The following SBF2 variants were observed in gnomAD, a reference collection of about 807,000 sequenced individuals.
SBF2 encodes SET binding factor 2.
SBF2 carries 112 observed loss-of-function variants against 225.2 expected under a neutral mutation model. That is an observed-to-expected ratio of 0.50 (90% CI 0.43 to 0.58). The LOEUF (loss-of-function observed/expected upper bound fraction) is 0.58, where lower values mean the gene tolerates loss of function less well. SBF2 is among the 20% of genes least tolerant of loss of function. SBF2 has a pLI of 0.00. For synonymous variants in SBF2, 763 were observed against 773.3 expected (o/e 0.99, Z 0.22); for missense variants, 1,996 against 2,206.2 (o/e 0.90, Z 1.91).
At chr11:9,872,670 T>C (rs1360622134) in intron 17 of SBF2, among the ~76,000 whole-genome samples, 1 of 151,444 alleles carries the variant, frequency 6.6e-6, no homozygotes, top group Non-Finnish European at 1.5e-5. Flanking sequence ...TCGGAGGAAC[T>C]GGAACTCTCA....
chr11:10,304,478 C>T (rs1246511628), intron 1 of SBF2, among the ~76,000 whole-genome samples: 17 of 152,258 alleles, frequency 1.1e-4, no homozygotes. Context: ...CTTGTCCCTA[C>T]CGTGAAATCT....
chr11:9,923,792 G>A (rs982045045), intron 16 of SBF2, among the ~76,000 whole-genome samples: 4 of 152,020 alleles, frequency 2.6e-5, no homozygotes, highest in African/African-American at 9.7e-5. Flanking sequence ...TCTAGTTCCC[G>A]GCCCCAAATG....
At chr11:9,853,825 A>C (rs1016557338) in intron 19 of SBF2, 113 bp from the exon 20 acceptor site, 9 of 973,588 alleles carry the variant, frequency 9.2e-6, no homozygotes, top group Non-Finnish European at 1.5e-5. Flanking sequence ...TGTCTACTCA[A>C]GTAGAAGGCT....
At chr11:9,899,352 A>AC (rs1344323362) in intron 16 of SBF2, among the ~76,000 whole-genome samples, 6 of 150,812 alleles carry the variant, frequency 4.0e-5, no homozygotes, top group Non-Finnish European at 1.5e-5. Flanking sequence ...AAAAAAAAAA[A>AC]AACTGGCCAG....
intron 2 of SBF2, among the ~76,000 whole-genome samples, chr11:10,049,822 A>C (rs542357753): frequency 1.3e-5 from 2 of 152,318 alleles, no homozygotes; most frequent in South Asian, 2.1e-4. Context: ...GTAGAACTGG[A>C]AAGTTTTATC....
chr11:10,054,235 G>A (rs202045198), intron 2 of SBF2, among the ~76,000 whole-genome samples: 2 of 152,004 alleles, frequency 1.3e-5, no homozygotes, highest in Admixed American at 6.6e-5. Context: ...CTTTCATTAC[G>A]TGTAAGATAA....
chr11:10,223,436 T>TATAC (rs1565371469), intron 1 of SBF2, among the ~76,000 whole-genome samples: 1 of 125,342 alleles, frequency 8.0e-6, no homozygotes, highest in African/African-American at 2.9e-5. Context: ...TATATATATA[T>TATAC]ATATATAGTA....
intron 1 of SBF2, among the ~76,000 whole-genome samples, chr11:10,249,197 A>T (rs1052421044): frequency 6.6e-6 from 1 of 152,216 alleles, no homozygotes; most frequent in Non-Finnish European, 1.5e-5. Context: ...AAATAAAAGC[A>T]CAACAGGGTT....
intron 28 of SBF2, among the ~76,000 whole-genome samples, chr11:9,825,507 T>C (rs982271965): frequency 1.3e-5 from 2 of 152,070 alleles, no homozygotes; most frequent in African/African-American, 4.8e-5. Context: ...GACACACTCA[T>C]TGGAAAGATG....
At chr11:9,940,041 A>G (rs1210596509) in intron 16 of SBF2, among the ~76,000 whole-genome samples, 1 of 152,168 alleles carries the variant, frequency 6.6e-6, no homozygotes, top group Non-Finnish European at 1.5e-5. Flanking sequence ...AGATCATGCC[A>G]CATTACTATT....
rs1033940441 is a variant in SBF2, at chr11:10,137,796, C to T, written c.141+56106G>A. The stretch of plus-strand genomic sequence containing the variant: ...CCGAGGTGGGTGGATCACCTGTGGT[C>T]CAGAGTTCAAGACCAGTCTAGTCAA... On this transcript the variant is annotated intron_variant, in intron 2 of 39. Coordinates refer to ENST00000256190, the MANE Select transcript of SBF2 (RefSeq NM_030962.4). 2.6e-5 allele frequency among the ~76,000 whole-genome samples: 4 copies of T among 152,112 alleles called. No individual in the cohort carries two copies. In the East Asian group the frequency reaches 7.7e-4, roughly 29 times the overall value.
intron 1 of SBF2, among the ~76,000 whole-genome samples, chr11:10,256,519 TCATAACAAAG>T (rs1167749214): frequency 2.6e-5 from 4 of 152,206 alleles, no homozygotes; most frequent in Non-Finnish European, 5.9e-5. Context: ...AAGAATGGCT[TCATAACAAAG>T]CATAACAACT....
chr11:9,916,373 C>T (rs1238652198), intron 16 of SBF2, among the ~76,000 whole-genome samples: 1 of 152,088 alleles, frequency 6.6e-6, no homozygotes, highest in African/African-American at 2.4e-5. Context: ...TCCTGCTGAG[C>T]ATTATTAATG....
At chr11:9,835,618 C>A (rs1446276463) in intron 26 of SBF2, among the ~76,000 whole-genome samples, 1 of 39,418 alleles carries the variant, frequency 2.5e-5, no homozygotes, top group South Asian at 7.2e-4. Context: ...GGAGACAGAG[C>A]AAGACCTTGT....
At chr11:9,823,243 A>G (rs1290748133) in intron 28 of SBF2, among the ~76,000 whole-genome samples, 1 of 152,212 alleles carries the variant, frequency 6.6e-6, no homozygotes, top group East Asian at 1.9e-4. Flanking sequence ...TGCTTTTAAA[A>G]TGATTCTTAG....
chr11:10,144,163 A>G (rs535086371), intron 2 of SBF2, among the ~76,000 whole-genome samples: 11 of 152,206 alleles, frequency 7.2e-5, no homozygotes, highest in Non-Finnish European at 1.5e-4. Flanking sequence ...ACGTAGCCAA[A>G]ATAATTTTTA....
chr11:9,912,360 G>C (rs1480410661), intron 16 of SBF2, among the ~76,000 whole-genome samples: 1 of 151,034 alleles, frequency 6.6e-6, no homozygotes, highest in Non-Finnish European at 1.5e-5. Context: ...GCTAAGGCAG[G>C]CGAATCACAA....
chr11:10,155,148 C>T (rs1006397112), intron 2 of SBF2, among the ~76,000 whole-genome samples: 2 of 152,206 alleles, frequency 1.3e-5, no homozygotes, highest in South Asian at 2.1e-4. Context: ...ATGGAAAACA[C>T]GTTAGGCAAA....
chr11:9,976,363 C>T (rs755959776), intron 13 of SBF2, among the ~76,000 whole-genome samples: 8 of 152,218 alleles, frequency 5.3e-5, no homozygotes, highest in South Asian at 2.1e-4. Context: ...TGAGCCACTG[C>T]GCCTGGCCCA....
Sources: gnomAD v4.1 joint callset for allele counts (sites outside exome capture counted in the v4.1 genomes callset) on GRCh38, gnomAD v4.1.1 for gene constraint, MANE v1.5 for transcripts, NCBI Gene and HGNC (gene_info 2026-07-23, HGNC 2026-07-21) for gene names.